Variants in DOK6 observed in about 807,000 individuals in gnomAD.
DOK6 encodes the protein downstream of tyrosine kinase 6.
A neutral mutation model predicts 44.0 loss-of-function variants in DOK6; 22 were observed. The observed-to-expected ratio is 0.50, with a 90% CI of 0.36 to 0.71. The LOEUF (loss-of-function observed/expected upper bound fraction) is 0.71, where lower values mean the gene tolerates loss of function less well. Ranked by LOEUF, DOK6 falls within the 30% of genes least tolerant of loss-of-function variation. DOK6 has a pLI of 0.00. For missense variants in DOK6, 340 were observed against 416.4 expected (o/e 0.82, Z 1.60); for synonymous variants, 166 against 145.5 (o/e 1.14, Z -1.01).
chr18:69,815,413 A>G lies in DOK6; in HGVS notation c.857-25831A>G, dbSNP rs183265695. On this transcript the variant is annotated intron_variant, in intron 7 of 7. Coordinates refer to ENST00000382713, the MANE Select transcript of DOK6 (RefSeq NM_152721.6). ...AGAGGAAAAACGTTAACTACAAAGC[A>G]GTAATATACGATAGAGATAGGTGCT... Among the ~76,000 whole-genome samples, 616 of 152,308 alleles carry G rather than the reference A, an allele frequency of 4.0e-3. 4 individuals carry two copies. Among genetic ancestry groups the G allele is most frequent in the Admixed American group, 6.5e-3 (100 of 15,284 alleles).
At position 69,741,526 on chromosome 18, in the gene DOK6, C is replaced by T. The variant is rs141797357; in HGVS notation, c.738+2423C>T. On this transcript the variant is annotated intron_variant, in intron 6 of 7. Transcript: ENST00000382713. ...TTGCTGTTGTTTTTTGAGACAGGGT[C>T]TCGCTCTGTCACCCGGGCCAGAGTG... 6.4e-3 allele frequency among the ~76,000 whole-genome samples: 972 copies of T among 152,246 alleles called. 15 individuals are homozygous for T. The highest frequency in any genetic ancestry group is 0.028 in the South Asian group (137 of 4,820).
chr18:69,533,837 T>TTATA (rs1205825543), intron 1 of DOK6, among the ~76,000 whole-genome samples: 1 of 152,188 alleles, frequency 6.6e-6, no homozygotes, highest in African/African-American at 2.4e-5. Context: ...TAAATGTCAT[T>TTATA]TATATCATTT....
intron 2 of DOK6, among the ~76,000 whole-genome samples, chr18:69,595,253 G>T (rs1261838393): frequency 6.6e-6 from 1 of 152,114 alleles, no homozygotes; most frequent in African/African-American, 2.4e-5. Flanking sequence ...CAATTGTGTG[G>T]CTAATCTAAG....
At chr18:69,623,502 G>A (rs1247115544) in intron 3 of DOK6, among the ~76,000 whole-genome samples, 1 of 152,154 alleles carries the variant, frequency 6.6e-6, no homozygotes, top group African/African-American at 2.4e-5. Flanking sequence ...TATATTGTCT[G>A]GATGAAACTG....
At chr18:69,749,315 T>TA (rs1223683786) in intron 6 of DOK6, among the ~76,000 whole-genome samples, 1 of 152,054 alleles carries the variant, frequency 6.6e-6, no homozygotes, top group Non-Finnish European at 1.5e-5. Flanking sequence ...AATGAACATT[T>TA]AAAAAAATGA....
At chr18:69,653,320 A>AAAG (rs112480964) in intron 3 of DOK6, among the ~76,000 whole-genome samples, 34,189 of 150,676 alleles carry the variant, frequency 0.23, 3,974 homozygotes, top group Admixed American at 0.27. Flanking sequence ...AAAAAAAAAA[A>AAAG]AAGAAGAAGA....
chr18:69,637,108 T>G (rs1984827584), intron 3 of DOK6, among the ~76,000 whole-genome samples: 1 of 152,228 alleles, frequency 6.6e-6, no homozygotes, highest in African/African-American at 2.4e-5. Flanking sequence ...CTCCCCAAGC[T>G]TGGCCTCCGC....
At chr18:69,539,664 T>C (rs561946436) in intron 1 of DOK6, among the ~76,000 whole-genome samples, 1 of 152,248 alleles carries the variant, frequency 6.6e-6, no homozygotes, top group South Asian at 2.1e-4. Flanking sequence ...ATTTAATAAA[T>C]TCATTATTAA....
chr18:69,592,310 A>G (rs1599210271), intron 2 of DOK6, among the ~76,000 whole-genome samples: 1 of 151,934 alleles, frequency 6.6e-6, no homozygotes, highest in South Asian at 2.1e-4. Context: ...CCCACAAATT[A>G]AAATAAAGAT....
At chr18:69,685,709 T>TA (rs927367863) in intron 4 of DOK6, among the ~76,000 whole-genome samples, 14 of 152,166 alleles carry the variant, frequency 9.2e-5, no homozygotes, top group Admixed American at 2.0e-4. Context: ...ATAATTGGCT[T>TA]AAAAAAAATC....
intron 7 of DOK6, among the ~76,000 whole-genome samples, chr18:69,764,782 G>A (rs903849330): frequency 1.3e-5 from 2 of 152,030 alleles, no homozygotes; most frequent in Non-Finnish European, 2.9e-5. Flanking sequence ...TAAACAGCTT[G>A]AACAACTACA....
intron 1 of DOK6, among the ~76,000 whole-genome samples, chr18:69,481,708 C>T (rs1052973322): frequency 1.3e-5 from 2 of 152,060 alleles, no homozygotes; most frequent in African/African-American, 2.4e-5. Context: ...TTTATAGCAG[C>T]GTGATTTATA....
intron 2 of DOK6, among the ~76,000 whole-genome samples, chr18:69,577,616 A>T (rs1983268505): frequency 6.6e-6 from 1 of 152,128 alleles, no homozygotes; most frequent in African/African-American, 2.4e-5. Flanking sequence ...TGAAAAGTTC[A>T]TTTTTATTTT....
At chr18:69,639,186 A>G (rs1298811561) in intron 3 of DOK6, among the ~76,000 whole-genome samples, 2 of 152,228 alleles carry the variant, frequency 1.3e-5, no homozygotes, top group African/African-American at 4.8e-5. Flanking sequence ...ATGAGTGTCC[A>G]TCGCTCCAGT....
intron 1 of DOK6, among the ~76,000 whole-genome samples, chr18:69,554,546 A>G (rs990834712): frequency 4.6e-5 from 7 of 152,212 alleles, no homozygotes; most frequent in East Asian, 1.9e-4. Context: ...CTAGTATTCA[A>G]CTATATACAT....
At chr18:69,807,456 T>C (rs1488535436) in intron 7 of DOK6, among the ~76,000 whole-genome samples, 1 of 151,960 alleles carries the variant, frequency 6.6e-6, no homozygotes, top group African/African-American at 2.4e-5. Context: ...AATAATTACT[T>C]TGAATGAAAA....
At chr18:69,549,094 T>G (rs1414565072) in intron 1 of DOK6, among the ~76,000 whole-genome samples, 4 of 82,642 alleles carry the variant, frequency 4.8e-5, no homozygotes, top group Non-Finnish European at 1.2e-4. Flanking sequence ...AGACTCCGTC[T>G]CAAAAAAAAA....
chr18:69,791,222 A>G (rs776625618), intron 7 of DOK6, among the ~76,000 whole-genome samples: 1 of 152,226 alleles, frequency 6.6e-6, no homozygotes, highest in African/African-American at 2.4e-5. Context: ...ATGGAAGTTC[A>G]GCTATCTCTT....
intron 3 of DOK6, among the ~76,000 whole-genome samples, chr18:69,610,325 C>T (rs563969336): frequency 1.3e-5 from 2 of 152,194 alleles, no homozygotes; most frequent in Non-Finnish European, 2.9e-5. Flanking sequence ...AATAAACATG[C>T]GTACCCTTGA....
Sources: allele counts gnomAD v4.1 joint callset (sites outside exome capture counted in the v4.1 genomes callset), GRCh38; gene constraint gnomAD v4.1.1; transcripts MANE v1.5; gene names NCBI Gene and HGNC (gene_info 2026-07-23, HGNC 2026-07-21).